Variants in AKAP9 observed in about 807,000 individuals in gnomAD.
The protein encoded by AKAP9 is A-kinase anchoring protein 9.
AKAP9 carries 311 observed loss-of-function variants against 488.5 expected under a neutral mutation model. That is an observed-to-expected ratio of 0.64 (90% confidence interval 0.58 to 0.70). The LOEUF (loss-of-function observed/expected upper bound fraction) is 0.70. Ranked by LOEUF, AKAP9 falls within the 30% of genes least tolerant of loss-of-function variation. The probability of loss-of-function intolerance (pLI) is 0.00; values close to 1 mark genes in which losing one functional copy is unlikely to be tolerated. For missense variants in AKAP9, 4,215 were observed against 4,374.5 expected (o/e 0.96, Z 1.03); for synonymous variants, 1,462 against 1,483.5 (o/e 0.99, Z 0.33).
Position 92,002,301 on chromosome 7 carries a change from C to G in AKAP9, c.2384C>G (p.Thr795Ser), listed in dbSNP as rs762383545. The G allele has an allele frequency of 7.4e-6, 12 of 1,612,710 alleles. No homozygotes were observed. In the South Asian group the frequency reaches 1.3e-4, roughly 18 times the overall value. The change falls in exon 8 of 50, where the codon ACT becomes AGT. Residue 795 changes from threonine (T) to serine (S), a missense_variant. Coordinates refer to ENST00000356239, the MANE Select transcript of AKAP9 (RefSeq NM_005751.5). ...CTTGAAGACATGTTGAAAATACATACTCCTGTTAGCCAAGAAGAAAGATTG... is the reference window on the plus strand; with the variant it reads ...CTTGAAGACATGTTGAAAATACATAGTCCTGTTAGCCAAGAAGAAAGATTG... The part of the protein sequence containing the change: ...KTLEDMLKIH[T>S]PVSQEERLIF...
chr7:92,101,298 T>C (rs1817476981), intron 45 of AKAP9, among the ~76,000 whole-genome samples: 1 of 152,034 alleles, frequency 6.6e-6, no homozygotes. Context: ...AAAAATTAGC[T>C]GGGCGTGGTG....
chr7:91,946,816 T>C (rs1242361387), intron 1 of AKAP9, among the ~76,000 whole-genome samples: 1 of 152,124 alleles, frequency 6.6e-6, no homozygotes, highest in East Asian at 1.9e-4. Context: ...ATCCAAGTGA[T>C]TGAAATATGA....
chr7:92,109,041 G>T, intron 49 of AKAP9: 4 of 218,564 alleles, frequency 1.8e-5, no homozygotes, highest in Non-Finnish European at 3.5e-5. Flanking sequence ...GCGAGACCCT[G>T]TCTCAAAGAA....
chr7:92,042,729 G>A lies in AKAP9; in HGVS notation c.5120G>A (p.Arg1707Lys). 6.2e-7 allele frequency: 1 copy of A among 1,611,982 alleles called. No individual in the cohort carries two copies. The highest frequency in any genetic ancestry group is 8.5e-7 in the Non-Finnish European group (1 of 1,178,636). ...EQTFKEKELD[R>K]KPEDVPPEIL... ...ACATTTAAAGAAAAGGAATTAGACA[G>A]AAAACCTGAAGATGTGCCTCCTGAG... The change falls in exon 20 of 50, where the codon AGA (arginine) becomes AAA (lysine). Residue 1707 changes from arginine (R) to lysine (K), a missense_variant. Arg to Lys is a conservative substitution (Grantham distance 26). Coordinates refer to ENST00000356239, the MANE Select transcript of AKAP9 (RefSeq NM_005751.5).
At chr7:91,988,527 G>T (rs1797382039) in intron 3 of AKAP9, among the ~76,000 whole-genome samples, 1 of 152,098 alleles carries the variant, frequency 6.6e-6, no homozygotes. Flanking sequence ...TAACTTCACT[G>T]CAATGCCATA....
chr7:92,083,461 A>G lies in AKAP9; in HGVS notation c.8452A>G (p.Thr2818Ala), dbSNP rs1486472243. Residue 2818 changes from threonine (T) to alanine (A), a missense_variant, in exon 33 of 50, where the codon ACT becomes GCT. By Grantham distance (58) the Thr-to-Ala change is moderately conservative (BLOSUM62 0). This residue lies in a region of AKAP9 where 1,476 missense variants were observed against 1,477.4 expected (regional missense o/e 1.00). Transcript: ENST00000356239. The stretch of plus-strand genomic sequence containing the variant: ...GAGTGAATGTTCCTCAGAAGAAGTT[A>G]CTGAAATAATCAGTCAGTTTACTGA... ...LQSECSSEEV[T>A]EIISQFTEKI... 2 of 1,613,940 alleles carry G rather than the reference A, an allele frequency of 1.2e-6. No individual in the cohort carries two copies. The highest frequency in any genetic ancestry group is 1.7e-6 in the Non-Finnish European group (2 of 1,179,896).
At chr7:91,976,574 A>G (rs776295964) in intron 2 of AKAP9, among the ~76,000 whole-genome samples, 1 of 152,160 alleles carries the variant, frequency 6.6e-6, no homozygotes, top group Non-Finnish European at 1.5e-5. Context: ...ATTTGCAATG[A>G]CTTTAATACA....
chr7:92,099,708 A>T lies in AKAP9; in HGVS notation c.10735A>T (p.Thr3579Ser). 6.2e-7 allele frequency: 1 copy of T among 1,614,070 alleles called. No individual in the cohort carries two copies. The highest frequency in any genetic ancestry group is 8.5e-7 in the Non-Finnish European group (1 of 1,179,956). ...GEEPSLVSPS[T>S]SCGSLTERLL... ...CCAGCCCAGCTTGGTGTCCCCAAGT[A>T]CTTCTTGTGGCTCATTGACTGAAAG... The change falls in exon 44 of 50, where the codon ACT becomes TCT. Residue 3579 changes from threonine (T) to serine (S), a missense_variant. Thr to Ser is a moderately conservative substitution (Grantham distance 58). Transcript: ENST00000356239.
At chr7:92,012,074 C>A (rs1337735815) in intron 8 of AKAP9, among the ~76,000 whole-genome samples, 1 of 152,186 alleles carries the variant, frequency 6.6e-6, no homozygotes, top group African/African-American at 2.4e-5. Flanking sequence ...GTACTCCAGC[C>A]TGGGTGACAG....
At chr7:92,060,762 G>A (rs1487771155) in intron 22 of AKAP9, among the ~76,000 whole-genome samples, 1 of 151,990 alleles carries the variant, frequency 6.6e-6, no homozygotes, top group Non-Finnish European at 1.5e-5. Context: ...TCATTTTGTT[G>A]TGCTACTATC....
chr7:92,030,687 A>T (rs893569450), intron 15 of AKAP9, among the ~76,000 whole-genome samples: 1 of 152,150 alleles, frequency 6.6e-6, no homozygotes, highest in Non-Finnish European at 1.5e-5. Context: ...ATCCAAGACA[A>T]TAGGGCTGGG....
intron 3 of AKAP9, among the ~76,000 whole-genome samples, chr7:91,989,676 C>T (rs1240237575): frequency 6.6e-6 from 1 of 151,910 alleles, no homozygotes; most frequent in Admixed American, 6.6e-5. Context: ...TTATTTTAAC[C>T]TCGTTAATTA....
chr7:91,986,901 G>T (rs1014563361), intron 3 of AKAP9, among the ~76,000 whole-genome samples: 2 of 151,234 alleles, frequency 1.3e-5, no homozygotes, highest in Non-Finnish European at 2.9e-5. Context: ...TACATATATA[G>T]TTACATATAT....
At chr7:91,963,214 C>A (rs1054824614) in intron 1 of AKAP9, among the ~76,000 whole-genome samples, 1 of 152,018 alleles carries the variant, frequency 6.6e-6, no homozygotes, top group African/African-American at 2.4e-5. Context: ...TAAGTGCATT[C>A]CAGTTTCTTA....
intron 30 of AKAP9, 81 bp downstream of exon 30, chr7:92,077,956 T>A (rs530469865): frequency 8.5e-4 from 796 of 938,906 alleles, no homozygotes; most frequent in Non-Finnish European, 1.1e-3. Context: ...TTGCTCCCCA[T>A]TGAATTTAAA....
intron 28 of AKAP9, among the ~76,000 whole-genome samples, chr7:92,075,903 T>C (rs1287194781): frequency 6.6e-6 from 1 of 152,208 alleles, no homozygotes; most frequent in Non-Finnish European, 1.5e-5. Flanking sequence ...TTTCAGTTTC[T>C]AAGGCAGTAA....
chr7:91,971,395 T>C (rs771830507), intron 1 of AKAP9, among the ~76,000 whole-genome samples: 1 of 152,054 alleles, frequency 6.6e-6, no homozygotes, highest in East Asian at 1.9e-4. Flanking sequence ...GTAATGGAGA[T>C]CACTAATTTC....
In AKAP9 at chr7:92,029,743, C is replaced by A. The variant is rs1052386290; in HGVS notation, c.4149-152C>A. On this transcript the variant is annotated intron_variant, in intron 14 of 49. Coordinates refer to ENST00000356239, the MANE Select transcript of AKAP9 (RefSeq NM_005751.5). ...TGTTCTTTTAAGTGGAAATATTAGT[C>A]AAAAATATGATTTAACTTGCAATAC... is the stretch of plus-strand genomic sequence containing the variant. 9.5e-6 allele frequency: 6 copies of A among 632,044 alleles called. No homozygotes were observed. The East Asian group carries it at 1.6e-4, about 17-fold the overall frequency. 39.2% of individuals were successfully genotyped at this position (632,044 alleles called of 1,614,324 possible). A position where few individuals can be genotyped will look rare whatever the true frequency, so the allele number is the denominator to read the frequency against.
intron 11 of AKAP9, 68 bp downstream of exon 11, chr7:92,016,335 AC>A (rs1801507467): frequency 1.7e-6 from 2 of 1,173,662 alleles, no homozygotes; most frequent in Admixed American, 2.5e-5. Context: ...ACAGATTTTT[AC>A]TTTTGATTAT....
Sources: allele counts gnomAD v4.1 joint callset (sites outside exome capture counted in the v4.1 genomes callset), GRCh38; gene constraint gnomAD v4.1.1; regional missense constraint gnomAD v4.1.1; transcripts MANE v1.5; gene names NCBI Gene and HGNC (gene_info 2026-07-23, HGNC 2026-07-21).